DLG2: variants seen among roughly 807,000 people sequenced by gnomAD.
DLG2 encodes discs large MAGUK scaffold protein 2.
DLG2 carries 45 observed loss-of-function variants against 132.5 expected under a neutral mutation model. That is an observed-to-expected ratio of 0.34 (90% CI 0.27 to 0.44). The LOEUF (loss-of-function observed/expected upper bound fraction) is 0.44, where lower values mean the gene tolerates loss of function less well. Among genes scored for constraint, DLG2 ranks in the 20% least tolerant of loss-of-function variants. The pLI is 1.00. For missense variants in DLG2, 1,045 were observed against 1,196.9 expected (o/e 0.87, Z 1.87); for synonymous variants, 424 against 419.6 (o/e 1.01, Z -0.13).
chr11:84,124,047 T>C (rs2094047293), intron 9 of DLG2, among the ~76,000 whole-genome samples: 1 of 152,128 alleles, frequency 6.6e-6, no homozygotes, highest in Non-Finnish European at 1.5e-5. Flanking sequence ...TCAAAAGAGC[T>C]CTCCTTTCAA....
intron 14 of DLG2, among the ~76,000 whole-genome samples, chr11:83,946,590 AC>A (rs57214789): frequency 0.032 from 4,934 of 152,288 alleles, 126 homozygotes; most frequent in East Asian, 0.14. Context: ...CTCTTTCGGT[AC>A]TATAGAATAC....
intron 6 of DLG2, among the ~76,000 whole-genome samples, chr11:84,743,935 A>G (rs908804864): frequency 2.6e-5 from 4 of 152,050 alleles, no homozygotes; most frequent in African/African-American, 9.7e-5. Flanking sequence ...CATCTTGGCC[A>G]GGCTGGTCTT....
chr11:85,259,004 T>A (rs1914371), intron 4 of DLG2, among the ~76,000 whole-genome samples: 14,571 of 152,182 alleles, frequency 0.096, 952 homozygotes, highest in African/African-American at 0.18. Flanking sequence ...GGACCATATA[T>A]TTCATCTGCC....
At chr11:85,072,921 C>A (rs2066066515) in intron 6 of DLG2, among the ~76,000 whole-genome samples, 1 of 151,662 alleles carries the variant, frequency 6.6e-6, no homozygotes, top group South Asian at 2.1e-4. Flanking sequence ...GTCTCACATC[C>A]CATCAGGCTA....
intron 6 of DLG2, among the ~76,000 whole-genome samples, chr11:85,033,991 G>A (rs1468914877): frequency 6.6e-6 from 1 of 152,004 alleles, no homozygotes; most frequent in African/African-American, 2.4e-5. Flanking sequence ...CCTAATTGAT[G>A]TGAAGGACTT....
intron 7 of DLG2, among the ~76,000 whole-genome samples, chr11:84,466,321 G>A (rs1001256023): frequency 6.6e-6 from 1 of 151,150 alleles, no homozygotes; most frequent in Admixed American, 6.6e-5. Flanking sequence ...AAACATATGT[G>A]CTCAATATTA....
At chr11:85,056,314 T>C (rs1022400235) in intron 6 of DLG2, among the ~76,000 whole-genome samples, 3 of 152,064 alleles carry the variant, frequency 2.0e-5, no homozygotes, top group Non-Finnish European at 4.4e-5. Context: ...TCCAGAAAAC[T>C]ATATCTTTGA....
intron 18 of DLG2, among the ~76,000 whole-genome samples, chr11:83,664,452 A>G (rs1404228201): frequency 6.6e-6 from 1 of 151,782 alleles, no homozygotes. Flanking sequence ...AATGGGAACC[A>G]AGATTTGACT....
chr11:84,212,389 A>C (rs964407181), intron 8 of DLG2, among the ~76,000 whole-genome samples: 71 of 152,210 alleles, frequency 4.7e-4, no homozygotes, highest in African/African-American at 1.5e-3. Context: ...GAAAAATGAC[A>C]TAAAATTACA....
At chr11:83,833,397 C>T (rs1276859533) in intron 17 of DLG2, among the ~76,000 whole-genome samples, 3 of 152,140 alleles carry the variant, frequency 2.0e-5, no homozygotes. Context: ...GAGATCCTGC[C>T]ACTGCACTCC....
At chr11:83,943,889 C>T (rs1159383112) in intron 14 of DLG2, among the ~76,000 whole-genome samples, 1 of 152,160 alleles carries the variant, frequency 6.6e-6, no homozygotes, top group Non-Finnish European at 1.5e-5. Context: ...TCTCTATTGC[C>T]TGAATCTTGG....
At chr11:84,191,294 G>A (rs1331609142) in intron 8 of DLG2, among the ~76,000 whole-genome samples, 1 of 151,988 alleles carries the variant, frequency 6.6e-6, no homozygotes, top group Non-Finnish European at 1.5e-5. Context: ...ATGTGACTTT[G>A]CAAGATATGA....
chr11:84,447,458 ATCCTGTGAGGAAAGTCTACCTT>A, intron 7 of DLG2, among the ~76,000 whole-genome samples: 1 of 152,298 alleles, frequency 6.6e-6, no homozygotes, highest in Admixed American at 6.5e-5. Context: ...CTGTTTAATC[ATCCTGTGAGGAAAGTCTACCTT>A]CTTTCTGCTT....
chr11:85,384,706 T>C (rs1427873513), intron 3 of DLG2, among the ~76,000 whole-genome samples: 1 of 152,180 alleles, frequency 6.6e-6, no homozygotes, highest in African/African-American at 2.4e-5. Context: ...TAGGTGGGAC[T>C]ACAGGTGCAT....
intron 19 of DLG2, chr11:83,632,455 C>G (rs2063724317): frequency 6.6e-6 from 1 of 152,032 alleles, no homozygotes; most frequent in Non-Finnish European, 1.5e-5. Flanking sequence ...TTCCTTTTGC[C>G]TGTTAGTACT....
intron 6 of DLG2, among the ~76,000 whole-genome samples, chr11:84,904,141 A>G (rs1266802745): frequency 6.6e-6 from 1 of 152,168 alleles, no homozygotes; most frequent in African/African-American, 2.4e-5. Flanking sequence ...TACCCTTGAT[A>G]AGAGTATAGA....
At chr11:83,981,646 A>C (rs1742441042) in intron 11 of DLG2, among the ~76,000 whole-genome samples, 1 of 152,048 alleles carries the variant, frequency 6.6e-6, no homozygotes, top group South Asian at 2.1e-4. Flanking sequence ...AATGTTGGCC[A>C]GGCTGGTCTT....
chr11:84,948,255 C>T (rs750059798), intron 6 of DLG2, among the ~76,000 whole-genome samples: 13 of 152,204 alleles, frequency 8.5e-5, no homozygotes, highest in Non-Finnish European at 1.5e-4. Context: ...TTTCCTTTTT[C>T]TCTCTCTGTT....
intron 24 of DLG2, among the ~76,000 whole-genome samples, chr11:83,470,121 G>T (rs57023373): frequency 0.27 from 40,968 of 151,560 alleles, 5,899 homozygotes; most frequent in Middle Eastern, 0.4. Context: ...TATCCTTAAA[G>T]ATATTCATTA....
Sources: gnomAD v4.1 joint callset for allele counts (sites outside exome capture counted in the v4.1 genomes callset) on GRCh38, gnomAD v4.1.1 for gene constraint, MANE v1.5 for transcripts, NCBI Gene and HGNC (gene_info 2026-07-23, HGNC 2026-07-21) for gene names.